CREB5: variants seen among roughly 807,000 people sequenced by gnomAD.
CREB5 encodes cAMP responsive element binding protein 5.
CREB5 carries 19 observed loss-of-function variants against 57.1 expected under a neutral mutation model. That is an observed-to-expected ratio of 0.33 (90% CI 0.23 to 0.49). CREB5 has a LOEUF of 0.49. Among genes scored for constraint, CREB5 ranks in the 20% least tolerant of loss-of-function variants. The pLI, the probability that CREB5 is intolerant of heterozygous loss-of-function variation, is 0.99. For missense variants in CREB5, 579 were observed against 671.6 expected, an observed-to-expected ratio of 0.86 and a Z score of 1.52; for synonymous variants, 238 against 238.3, an observed-to-expected ratio of 1.00 and a Z score of 0.01.
intron 1 of CREB5, among the ~76,000 whole-genome samples, chr7:28,321,149 G>C (rs1443809430): frequency 6.6e-6 from 1 of 152,186 alleles, no homozygotes; most frequent in East Asian, 1.9e-4. Flanking sequence ...TGGACACACT[G>C]CTTGACACTT....
At chr7:28,584,521 AAGG>A (rs1034311681) in intron 5 of CREB5, among the ~76,000 whole-genome samples, 2 of 152,152 alleles carry the variant, frequency 1.3e-5, no homozygotes, top group Non-Finnish European at 2.9e-5. Flanking sequence ...GCTGTAAGCC[AAGG>A]AACGCCAGGG....
intron 2 of CREB5, 34 bp from the exon 3 acceptor site, chr7:28,494,872 T>G: frequency 1.4e-6 from 2 of 1,395,780 alleles, no homozygotes; most frequent in African/African-American, 2.0e-5. Flanking sequence ...ATGGCTCCTC[T>G]TCTCCCCTCC....
chr7:28,504,207 C>T lies in CREB5; in HGVS notation c.170-3409C>T, dbSNP rs7791340. ...TGCAGATGTTAAAAAAAGGGGACAG[C>T]TAAATCTATCAACACACGAATGCCT... On this transcript the variant is annotated intron_variant, in intron 3 of 10. Coordinates refer to ENST00000357727, the MANE Select transcript of CREB5 (RefSeq NM_182898.4). 4.9e-3 allele frequency among the ~76,000 whole-genome samples: 742 copies of T among 152,280 alleles called. 7 individuals carry two copies. Among genetic ancestry groups the T allele is most frequent in the African/African-American group, 0.016 (677 of 41,542 alleles).
intron 5 of CREB5, among the ~76,000 whole-genome samples, chr7:28,608,026 G>A (rs1797217386): frequency 6.6e-6 from 1 of 151,516 alleles, no homozygotes; most frequent in South Asian, 2.1e-4. Context: ...CGTGGCATCA[G>A]GGCACTGAGA....
chr7:28,704,684 T>C (rs999184996), intron 5 of CREB5, among the ~76,000 whole-genome samples: 1 of 152,108 alleles, frequency 6.6e-6, no homozygotes, highest in Non-Finnish European at 1.5e-5. Context: ...CTGAAACACC[T>C]GGGATCAAGA....
chr7:28,719,252 A>C (rs994995184), intron 6 of CREB5, among the ~76,000 whole-genome samples: 1 of 149,198 alleles, frequency 6.7e-6, no homozygotes, highest in Non-Finnish European at 1.5e-5. Context: ...TCAGGATAAT[A>C]ACTATAATAA....
chr7:28,449,374 A>G (rs1583475720), intron 1 of CREB5, among the ~76,000 whole-genome samples: 1 of 152,070 alleles, frequency 6.6e-6, no homozygotes, highest in African/African-American at 2.4e-5. Context: ...GCCTTCTCTC[A>G]TTACTTTATT....
chr7:28,684,931 A>G lies in CREB5; in HGVS notation c.465-33822A>G, dbSNP rs566272508. Among the ~76,000 whole-genome samples, 423 of 152,208 alleles carry G rather than the reference A, an allele frequency of 2.8e-3. 2 individuals carry two copies. Among genetic ancestry groups the G allele is most frequent in the South Asian group, 8.3e-3 (40 of 4,810 alleles). On this transcript the variant is annotated intron_variant, in intron 5 of 10. Transcript: ENST00000357727. ...ATAGAGTAGTGTCTGGACTGTTGTC[A>G]TTGTCGTGGTGGAGCCCTGAGTGGG...
In CREB5 at chr7:28,696,243, A is replaced by T. The variant is rs187370812; in HGVS notation, c.465-22510A>T. Among the ~76,000 whole-genome samples the T allele has an allele frequency of 2.6e-3, 391 of 152,366 alleles. 3 individuals carry two copies. The highest frequency in any genetic ancestry group is 9.0e-3 in the African/African-American group (374 of 41,586). The stretch of plus-strand genomic sequence containing the variant: ...TGTTTCTAACTAATTAATGATTGTT[A>T]AGTGCTTGGAAAATGCACTGTGGAA... On this transcript the variant is annotated intron_variant, in intron 5 of 10. Coordinates refer to ENST00000357727, the MANE Select transcript of CREB5 (RefSeq NM_182898.4).
chr7:28,409,928 G>A, upstream of CREB5: 2 of 454,002 alleles, frequency 4.4e-6, no homozygotes, highest in South Asian at 3.1e-5. This position sits in a 1 kb window ranked among gnomAD's most constrained non-coding sequence, Gnocchi z 4.4. Context: ...CTCCAGAAGT[G>A]CGGTCAAGCG....
intron 1 of CREB5, among the ~76,000 whole-genome samples, chr7:28,475,546 A>C (rs1583509650): frequency 6.6e-6 from 1 of 152,148 alleles, no homozygotes; most frequent in Non-Finnish European, 1.5e-5. Context: ...GTACTAAGGA[A>C]AATGTAATAA....
chr7:28,539,755 T>C (rs1794128658), intron 4 of CREB5, among the ~76,000 whole-genome samples: 1 of 152,196 alleles, frequency 6.6e-6, no homozygotes, highest in South Asian at 2.1e-4. Flanking sequence ...GCTGAACATA[T>C]GTCAAGGTTC....
rs549467541 is a variant in CREB5, at chr7:28,588,308, A to G, written c.464+17771A>G. The stretch of plus-strand genomic sequence containing the variant: ...CTCTGCTGTTCATGGTACTTACTAC[A>G]TCAGATCCCATGTATTATAGTTACA... On this transcript the variant is annotated intron_variant, in intron 5 of 10. Transcript: ENST00000357727. Among the ~76,000 whole-genome samples, 12 of 152,346 alleles carry G rather than the reference A, an allele frequency of 7.9e-5. No individual in the cohort carries two copies. The South Asian group carries it at 1.5e-3, about 18-fold the overall frequency.
chr7:28,480,814 C>T (rs941468570), intron 1 of CREB5, among the ~76,000 whole-genome samples: 12 of 152,202 alleles, frequency 7.9e-5, no homozygotes, highest in Non-Finnish European at 1.5e-4. Context: ...CTCAACATTG[C>T]ACCTCTCATG....
chr7:28,442,652 A>G lies in CREB5; in HGVS notation c.3+29735A>G, dbSNP rs1021636822. ...TTGTCTTTTCGATAATAGCCATTCT[A>G]ACTGGGGTGAGATGATATCTCGTTG... On this transcript the variant is annotated intron_variant, in intron 1 of 10. Transcript: ENST00000357727. Among the ~76,000 whole-genome samples the G allele has an allele frequency of 2.0e-5, 3 of 152,148 alleles. No homozygotes were observed. The South Asian group carries it at 6.2e-4, about 32-fold the overall frequency.
chr7:28,306,462 C>G (rs1484635744), intron 1 of CREB5, among the ~76,000 whole-genome samples: 1 of 134,874 alleles, frequency 7.4e-6, no homozygotes. Flanking sequence ...ACTCCCAAAT[C>G]AAAAATATTT....
At chr7:28,571,148 C>T (rs1022972005) in intron 5 of CREB5, among the ~76,000 whole-genome samples, 7 of 152,122 alleles carry the variant, frequency 4.6e-5, no homozygotes, top group Non-Finnish European at 7.3e-5. Context: ...GGATGATTCA[C>T]ATCCTGGGGG....
chr7:28,397,976 TA>T (rs1199090562), intron 1 of CREB5, among the ~76,000 whole-genome samples: 9 of 152,206 alleles, frequency 5.9e-5, no homozygotes, highest in Non-Finnish European at 8.8e-5. Context: ...TTTAACCATT[TA>T]AAAATGTACA....
intron 5 of CREB5, among the ~76,000 whole-genome samples, chr7:28,586,806 G>A (rs1338363113): frequency 6.6e-6 from 1 of 152,242 alleles, no homozygotes; most frequent in Non-Finnish European, 1.5e-5. Flanking sequence ...AAGTGAGAAA[G>A]AATGGGACGT....
Sources: allele counts gnomAD v4.1 joint callset (sites outside exome capture counted in the v4.1 genomes callset), GRCh38; gene constraint gnomAD v4.1.1; non-coding constraint Gnocchi (gnomAD v3.1); transcripts MANE v1.5; gene names NCBI Gene and HGNC (gene_info 2026-07-23, HGNC 2026-07-21).